ARID5B: variants seen among roughly 807,000 people sequenced by gnomAD.
The protein encoded by ARID5B is AT-rich interactive domain-containing protein 5B.
A neutral mutation model predicts 97.2 loss-of-function variants in ARID5B; 13 were observed. The observed-to-expected ratio is 0.13, with a 90% CI of 0.09 to 0.21. ARID5B has a LOEUF of 0.21. Ranked by LOEUF, ARID5B falls within the 10% of genes least tolerant of loss-of-function variation. The pLI, the probability that ARID5B is intolerant of heterozygous loss-of-function variation, is 1.00. For missense variants in ARID5B, 1,210 were observed against 1,465.3 expected, an observed-to-expected ratio of 0.83 and a Z score of 2.84; for synonymous variants, 556 against 570.3, an observed-to-expected ratio of 0.97 and a Z score of 0.36.
At chr10:62,013,707 C>T (rs1422477425) in intron 4 of ARID5B, among the ~76,000 whole-genome samples, 4 of 151,578 alleles carry the variant, frequency 2.6e-5, no homozygotes, top group African/African-American at 9.7e-5. Flanking sequence ...TTACTTCACT[C>T]CACACAATGC....
intron 3 of ARID5B, among the ~76,000 whole-genome samples, chr10:61,974,844 G>A (rs980775447): frequency 1.3e-5 from 2 of 151,974 alleles, no homozygotes; most frequent in African/African-American, 2.4e-5. Context: ...CTTAAAAAGT[G>A]TAAACAGTTT....
chr10:61,965,520 G>A (rs1241635374), intron 3 of ARID5B, among the ~76,000 whole-genome samples: 1 of 152,130 alleles, frequency 6.6e-6, no homozygotes, highest in Non-Finnish European at 1.5e-5. Context: ...CTGTCATGTA[G>A]ATGAGTTAGT....
intron 4 of ARID5B, among the ~76,000 whole-genome samples, chr10:62,027,073 G>A (rs912794850): frequency 3.9e-5 from 6 of 151,964 alleles, no homozygotes; most frequent in African/African-American, 9.7e-5. Context: ...TTGACAGGAC[G>A]GGCAGCCAGG....
rs549188329 is a variant in ARID5B at position 61,941,552 on chromosome 10, A to G, written c.502+1144A>G. ...TTTAAACCCAGAACTTAACTATTAC[A>G]ACAAACCTAGGCAATTTATTTTAAT... On this transcript the variant is annotated intron_variant, in intron 3 of 9. Coordinates refer to ENST00000279873, the MANE Select transcript of ARID5B (RefSeq NM_032199.3). 4.6e-4 allele frequency among the ~76,000 whole-genome samples: 70 copies of G among 152,056 alleles called. No homozygotes were observed. The Middle Eastern group carries it at 0.017, about 37-fold the overall frequency.
At chr10:62,028,152 C>G (rs900430619) in intron 4 of ARID5B, among the ~76,000 whole-genome samples, 2 of 152,076 alleles carry the variant, frequency 1.3e-5, no homozygotes, top group Non-Finnish European at 2.9e-5. Flanking sequence ...CTATTTGGTG[C>G]CCAAGAAATA....
chr10:61,936,744 G>T (rs1213421304), intron 2 of ARID5B, among the ~76,000 whole-genome samples: 2 of 150,166 alleles, frequency 1.3e-5, no homozygotes, highest in African/African-American at 4.9e-5. Context: ...AGCTAATTCT[G>T]ACATGCTACT....
chr10:62,072,536 A>G (rs1589285300), intron 8 of ARID5B, among the ~76,000 whole-genome samples: 1 of 152,336 alleles, frequency 6.6e-6, no homozygotes, highest in South Asian at 2.1e-4. Context: ...TGGGAACCCC[A>G]TATGCAGAGC....
intron 2 of ARID5B, among the ~76,000 whole-genome samples, chr10:61,903,605 T>G (rs1751317770): frequency 1.3e-5 from 2 of 152,234 alleles, no homozygotes; most frequent in South Asian, 4.1e-4. Context: ...GCTAGTGCTG[T>G]GCCAGGCTCT....
intron 2 of ARID5B, among the ~76,000 whole-genome samples, chr10:61,910,208 A>G (rs1483763397): frequency 6.6e-6 from 1 of 152,222 alleles, no homozygotes; most frequent in African/African-American, 2.4e-5. Context: ...TAAATACTTC[A>G]TTATTAATTA....
chr10:61,963,711 G>C (rs971453238), intron 3 of ARID5B, among the ~76,000 whole-genome samples: 4 of 151,962 alleles, frequency 2.6e-5, no homozygotes, highest in African/African-American at 9.7e-5. Context: ...AGAACTGCTT[G>C]GTGCATTCTT....
chr10:62,018,708 TC>T (rs1839316369), intron 4 of ARID5B, among the ~76,000 whole-genome samples: 1 of 151,698 alleles, frequency 6.6e-6, no homozygotes. Context: ...TGTGATTATG[TC>T]TTATGATCCT....
chr10:62,075,609 G>A (rs1236834220), intron 8 of ARID5B, among the ~76,000 whole-genome samples: 1 of 152,224 alleles, frequency 6.6e-6, no homozygotes, highest in Non-Finnish European at 1.5e-5. Context: ...CAGCGTCCAG[G>A]AGCTTGTCAA....
chr10:61,948,512 G>A (rs1838274849), intron 3 of ARID5B, among the ~76,000 whole-genome samples: 1 of 150,244 alleles, frequency 6.7e-6, no homozygotes, highest in Admixed American at 6.7e-5. Flanking sequence ...GACTACAGGT[G>A]CGCGCCACCA....
chr10:61,993,750 A>G (rs1238833108), intron 3 of ARID5B, among the ~76,000 whole-genome samples: 1 of 152,240 alleles, frequency 6.6e-6, no homozygotes, highest in Non-Finnish European at 1.5e-5. Context: ...AATAGCAGTA[A>G]GAATTGGAAT....
intron 2 of ARID5B, among the ~76,000 whole-genome samples, chr10:61,910,584 G>A (rs1451260324): frequency 6.6e-6 from 1 of 152,176 alleles, no homozygotes; most frequent in African/African-American, 2.4e-5. Context: ...CTGACTTGCT[G>A]GAGATGAGAA....
chr10:62,092,750 C>T lies in ARID5B; in HGVS notation c.3287C>T (p.Pro1096Leu), dbSNP rs79237609. The change falls in exon 10 of 10, where the codon CCG (proline) becomes CTG (leucine). Residue 1096 changes from proline (P) to leucine (L), a missense_variant. Pro to Leu is a moderately conservative substitution (Grantham distance 98). This residue lies in a region of ARID5B where 800 missense variants were observed against 839.1 expected (regional missense o/e 0.95). Coordinates refer to ENST00000279873, the MANE Select transcript of ARID5B (RefSeq NM_032199.3). The stretch of plus-strand genomic sequence containing the variant: ...AACTCGGGCCTCAACTCCAGGCTCC[C>T]GGCTGGGTATTCTCATTCTCTGCAG... ...LCNSGLNSRL[P>L]AGYSHSLQYL... 4 of 1,614,146 alleles carry T rather than the reference C, an allele frequency of 2.5e-6. No homozygotes were observed. Among genetic ancestry groups the T allele is most frequent in the Admixed American group, 1.7e-5 (1 of 60,030 alleles).
intron 2 of ARID5B, among the ~76,000 whole-genome samples, chr10:61,908,781 C>G (rs1355658420): frequency 9.2e-6 from 1 of 109,012 alleles, no homozygotes; most frequent in Non-Finnish European, 1.7e-5. Flanking sequence ...GCCTGGGCAA[C>G]AGAGCAAGAC....
chr10:61,947,096 A>G (rs1838248903), intron 3 of ARID5B, among the ~76,000 whole-genome samples: 1 of 152,138 alleles, frequency 6.6e-6, no homozygotes, highest in South Asian at 2.1e-4. Context: ...CCCAATTAAC[A>G]TTGGAGGAGA....
At chr10:61,910,964 G>A (rs1161573607) in intron 2 of ARID5B, among the ~76,000 whole-genome samples, 1 of 152,134 alleles carries the variant, frequency 6.6e-6, no homozygotes, top group Non-Finnish European at 1.5e-5. Context: ...AAGAACCCCA[G>A]GCGGCAAAGG....
Sources: gnomAD v4.1 joint callset for allele counts (sites outside exome capture counted in the v4.1 genomes callset) on GRCh38, gnomAD v4.1.1 for gene constraint, gnomAD v4.1.1 regional missense constraint, MANE v1.5 for transcripts, NCBI Gene and HGNC (gene_info 2026-07-23, HGNC 2026-07-21) for gene names.